The following SLC16A7 variants were observed in gnomAD, a reference collection of about 807,000 sequenced individuals.
SLC16A7 encodes solute carrier family 16 member 7.
A neutral mutation model predicts 34.9 loss-of-function variants in SLC16A7; 33 were observed. The observed-to-expected ratio is 0.94, with a 90% CI of 0.72 to 1.26. SLC16A7 has a LOEUF of 1.26. Ranked by LOEUF, SLC16A7 falls within the 50% of genes most tolerant of loss-of-function variation. SLC16A7 has a pLI of 0.00. For missense variants in SLC16A7, 573 were observed against 578.1 expected (o/e 0.99, Z 0.09); for synonymous variants, 201 against 206.6 (o/e 0.97, Z 0.23).
chr12:59,616,440 T>G lies in SLC16A7; in HGVS notation c.-130+20204T>G, dbSNP rs141609245. On this transcript the variant is annotated intron_variant, in intron 1 of 5. Transcript: ENST00000547379. ...ATTTGCATTTATTTTCTGTAAGTTC[T>G]TATGTTTTTCTGCATTTATTTTAAA... Among the ~76,000 whole-genome samples the G allele has an allele frequency of 1.2e-3, 182 of 152,340 alleles. 1 individual carries two copies. The highest frequency in any genetic ancestry group is 4.0e-3 in the African/African-American group (167 of 41,600).
At chr12:59,612,697 AC>A (rs1879254492) in intron 1 of SLC16A7, among the ~76,000 whole-genome samples, 2 of 152,108 alleles carry the variant, frequency 1.3e-5, no homozygotes, top group African/African-American at 2.4e-5. Context: ...TCCACCAGAT[AC>A]CCTAAATCAT....
intron 2 of SLC16A7, chr12:59,664,966 T>A (rs2137034856): frequency 6.6e-6 from 1 of 152,286 alleles, no homozygotes; most frequent in African/African-American, 2.4e-5. Flanking sequence ...ATTATACAAA[T>A]CGTATTCGTG....
intron 3 of SLC16A7, among the ~76,000 whole-genome samples, chr12:59,723,487 G>A (rs1592577987): frequency 1.3e-5 from 2 of 151,930 alleles, no homozygotes; most frequent in African/African-American, 4.8e-5. Flanking sequence ...ACGGAGATGT[G>A]AATTGCTATG....
At chr12:59,658,336 G>A (rs990373603) in intron 2 of SLC16A7, among the ~76,000 whole-genome samples, 13 of 151,980 alleles carry the variant, frequency 8.6e-5, no homozygotes, top group African/African-American at 2.9e-4. Context: ...ATGAGAAGGG[G>A]CTTCCCCAAG....
At chr12:59,613,240 C>T (rs1592390405) in intron 1 of SLC16A7, among the ~76,000 whole-genome samples, 1 of 152,194 alleles carries the variant, frequency 6.6e-6, no homozygotes, top group Admixed American at 6.5e-5. Context: ...AGGGGAAATG[C>T]CCCTTATAAA....
intron 1 of SLC16A7, among the ~76,000 whole-genome samples, chr12:59,634,883 A>C (rs1159616425): frequency 6.6e-6 from 1 of 152,078 alleles, no homozygotes; most frequent in Non-Finnish European, 1.5e-5. Context: ...CTAGATATAA[A>C]TTATATTGAA....
chr12:59,636,839 T>A (rs1282694900), intron 1 of SLC16A7, among the ~76,000 whole-genome samples: 1 of 152,146 alleles, frequency 6.6e-6, no homozygotes, highest in Non-Finnish European at 1.5e-5. Context: ...ATGCTAATCC[T>A]TAAGCACATC....
chr12:59,636,015 A>C (rs912976942), intron 1 of SLC16A7, among the ~76,000 whole-genome samples: 18 of 152,056 alleles, frequency 1.2e-4, no homozygotes, highest in Non-Finnish European at 1.9e-4. Flanking sequence ...AAAAAAAAAA[A>C]AAAACTGTGT....
chr12:59,610,315 A>G (rs189679333), intron 1 of SLC16A7, among the ~76,000 whole-genome samples: 52 of 152,354 alleles, frequency 3.4e-4, no homozygotes, highest in African/African-American at 1.2e-3. Context: ...AAATGTTGGC[A>G]ATACTTTACT....
intron 3 of SLC16A7, among the ~76,000 whole-genome samples, chr12:59,741,037 A>G (rs1350980312): frequency 6.6e-6 from 1 of 152,188 alleles, no homozygotes; most frequent in African/African-American, 2.4e-5. Flanking sequence ...GAGAACTACA[A>G]ACCACTGCTC....
At chr12:59,742,359 T>G (rs907059438) in intron 3 of SLC16A7, among the ~76,000 whole-genome samples, 4 of 152,208 alleles carry the variant, frequency 2.6e-5, no homozygotes, top group African/African-American at 9.7e-5. Flanking sequence ...TAGGTGGGGC[T>G]GCTGAATTAT....
Position 59,705,006 on chromosome 12 carries a change from A to G in SLC16A7, c.205A>G (p.Met69Val). The change falls in exon 3 of 6, where the codon ATG becomes GTG. Residue 69 changes from methionine to valine, a missense_variant. Met to Val is a conservative substitution (Grantham distance 21). Coordinates refer to ENST00000547379, the MANE Select transcript of SLC16A7 (RefSeq NM_001270623.2). ...GATTTCATCCATTATGCTGGCTGTT[A>G]TGTACGCAGGAGGTAAGCTTCTTGC... The part of the protein sequence containing the change: ...AWISSIMLAV[M>V]YAGGPVSSVL... The G allele has an allele frequency of 3.1e-6, 5 of 1,607,216 alleles. No homozygotes were observed. Among genetic ancestry groups the G allele is most frequent in the Non-Finnish European group, 4.3e-6 (5 of 1,173,944 alleles).
Position 59,775,323 on chromosome 12 carries a change from A to G in SLC16A7, c.1028A>G (p.Tyr343Cys). ...LAQDYTSLVL[Y>C]AVFFGLGFGS... ...CAGGACTACACAAGCCTGGTATTAT[A>G]TGCTGTATTTTTTGGCCTTGGATTT... is the stretch of plus-strand genomic sequence containing the variant. Residue 343 changes from tyrosine to cysteine, a missense_variant, in exon 5 of 6, where the codon TAT becomes TGT. Coordinates refer to ENST00000547379, the MANE Select transcript of SLC16A7 (RefSeq NM_001270623.2). 6.2e-7 allele frequency: 1 copy of G among 1,614,144 alleles called. No homozygotes were observed. The highest frequency in any genetic ancestry group is 8.5e-7 in the Non-Finnish European group (1 of 1,179,998).
In SLC16A7 at chr12:59,704,116, C is replaced by T. The variant is rs145795468; in HGVS notation, c.-30-656C>T. Among the ~76,000 whole-genome samples, 747 of 143,968 alleles carry T rather than the reference C, an allele frequency of 5.2e-3. 23 individuals are homozygous for T. Among genetic ancestry groups the T allele is most frequent in the Admixed American group, 0.049 (658 of 13,500 alleles). The allele number at this position is 143,968 out of a possible 152,430, so 94.4% of individuals were successfully genotyped here. A position where few individuals can be genotyped will look rare whatever the true frequency, so the allele number is the denominator to read the frequency against. On this transcript the variant is annotated intron_variant, in intron 2 of 5. Coordinates refer to ENST00000547379, the MANE Select transcript of SLC16A7 (RefSeq NM_001270623.2). ...ACTAGGGTCTGAGGCAGGAGGATCG[C>T]TTGAACCTGGGAGGCACAGGTTCCA...
intron 1 of SLC16A7, among the ~76,000 whole-genome samples, chr12:59,627,938 TATTA>T (rs1880001291): frequency 6.6e-6 from 1 of 151,082 alleles, no homozygotes; most frequent in African/African-American, 2.4e-5. Flanking sequence ...TTTACAAACT[TATTA>T]ATTAATATCC....
intron 2 of SLC16A7, among the ~76,000 whole-genome samples, chr12:59,685,737 A>C (rs1191557921): frequency 6.6e-6 from 1 of 152,198 alleles, no homozygotes; most frequent in Non-Finnish European, 1.5e-5. Context: ...AATATACAAT[A>C]TACAAGGTTC....
At chr12:59,644,421 G>C (rs1442961087) in intron 1 of SLC16A7, among the ~76,000 whole-genome samples, 1 of 151,982 alleles carries the variant, frequency 6.6e-6, no homozygotes, top group Non-Finnish European at 1.5e-5. Flanking sequence ...ACAAAAATGA[G>C]CCGAACATGT....
chr12:59,688,836 A>T (rs568947790), intron 2 of SLC16A7, among the ~76,000 whole-genome samples: 1 of 152,186 alleles, frequency 6.6e-6, no homozygotes, highest in Admixed American at 6.6e-5. Context: ...TCAGTTGTGG[A>T]CTAGTTAAAA....
chr12:59,674,325 C>A (rs1870128504), intron 2 of SLC16A7, among the ~76,000 whole-genome samples: 1 of 152,068 alleles, frequency 6.6e-6, no homozygotes, highest in Non-Finnish European at 1.5e-5. Context: ...CATCTTTGTA[C>A]CCCTAGTGCT....
Sources: allele counts gnomAD v4.1 joint callset (sites outside exome capture counted in the v4.1 genomes callset), GRCh38; gene constraint gnomAD v4.1.1; transcripts MANE v1.5; gene names NCBI Gene and HGNC (gene_info 2026-07-23, HGNC 2026-07-21).